Variants in STAU1 observed in about 807,000 individuals in gnomAD.
The protein encoded by STAU1 is staufen double-stranded RNA binding protein 1, also known as double-stranded RNA-binding protein Staufen homolog 1.
STAU1 carries 13 observed loss-of-function variants against 62.9 expected under a neutral mutation model. That is an observed-to-expected ratio of 0.21 (90% CI 0.13 to 0.33). STAU1 has a LOEUF of 0.33. STAU1 is among the 10% of genes least tolerant of loss of function. STAU1 has a pLI of 1.00. For missense variants in STAU1, 571 were observed against 712.1 expected, an observed-to-expected ratio of 0.80 and a Z score of 2.25; for synonymous variants, 269 against 265.1, an observed-to-expected ratio of 1.01 and a Z score of -0.14.
chr20:49,153,157 G>C (rs1318026144), intron 4 of STAU1, among the ~76,000 whole-genome samples: 2 of 151,558 alleles, frequency 1.3e-5, no homozygotes, highest in Non-Finnish European at 2.9e-5. Flanking sequence ...GGCTGAGGCA[G>C]GAGAATAGCA....
intron 3 of STAU1, chr20:49,159,018 A>C (rs2093409950): frequency 7.8e-7 from 1 of 1,286,660 alleles, no homozygotes; most frequent in African/African-American, 1.5e-5. Context: ...TACTCATTTA[A>C]GTACAAACAA....
chr20:49,143,643 AC>A (rs1295585390), intron 5 of STAU1, among the ~76,000 whole-genome samples: 4 of 152,058 alleles, frequency 2.6e-5, no homozygotes, highest in Non-Finnish European at 5.9e-5. Context: ...ACCACACTTA[AC>A]CCTCACAGTA....
intron 6 of STAU1, among the ~76,000 whole-genome samples, chr20:49,130,485 C>T (rs1455249939): frequency 1.3e-5 from 2 of 151,944 alleles, no homozygotes; most frequent in African/African-American, 4.8e-5. Flanking sequence ...ACCCCTTCAT[C>T]CAAAAAATAA....
chr20:49,173,136 G>A (rs1041789377), intron 2 of STAU1, among the ~76,000 whole-genome samples: 12 of 146,656 alleles, frequency 8.2e-5, no homozygotes, highest in Middle Eastern at 7.0e-3. Flanking sequence ...GAGCCACTGC[G>A]CCCAGCCGAT....
rs955035905 is a variant in STAU1, at chr20:49,117,487, C to T, written c.1510-239G>A. Reference sequence around the variant, plus strand: ...TCCTACCAGACAGAAAGTGTCAGCACGATGAGTCTGTTCTTTGAAATCCAA... The same window carrying T: ...TCCTACCAGACAGAAAGTGTCAGCATGATGAGTCTGTTCTTTGAAATCCAA... On this transcript the variant is annotated intron_variant, in intron 11 of 13. Coordinates refer to ENST00000371856, the MANE Select transcript of STAU1 (RefSeq NM_017453.4). The surrounding 1 kb of genome is among the most constrained non-coding windows in gnomAD (Gnocchi z 4.6). 6.6e-6 allele frequency among the ~76,000 whole-genome samples: 1 copy of T among 152,192 alleles called. No homozygotes were observed. The highest frequency in any genetic ancestry group is 1.5e-5 in the Non-Finnish European group (1 of 68,036).
At chr20:49,196,784 G>GAAAAAAA in the STAU1 span, among the ~76,000 whole-genome samples, 12 of 145,142 alleles carry the variant, frequency 8.3e-5, no homozygotes, top group Non-Finnish European at 1.2e-4. Context: ...AGGAAAAAAA[G>GAAAAAAA]AAAAAAAAAA....
chr20:49,169,099 T>TACCACCC, intron 2 of STAU1, among the ~76,000 whole-genome samples: 1 of 152,094 alleles, frequency 6.6e-6, no homozygotes, highest in African/African-American at 2.4e-5. Flanking sequence ...TACAGGCGTG[T>TACCACCC]ACCACCACAC....
the STAU1 span, among the ~76,000 whole-genome samples, chr20:49,217,544 T>C: frequency 0.016 from 2,363 of 152,078 alleles, 61 homozygotes; most frequent in South Asian, 0.07. Context: ...CTGTTGTATA[T>C]CCTTCCTAAC....
intron 5 of STAU1, among the ~76,000 whole-genome samples, chr20:49,136,704 C>CT (rs797001297): frequency 0.012 from 1,780 of 147,772 alleles, 37 homozygotes; most frequent in African/African-American, 0.04. Context: ...CTGGAAACCA[C>CT]TTTTTTTTTT....
At chr20:49,193,104 C>A (rs1284073353), upstream of STAU1, among the ~76,000 whole-genome samples, 5 of 152,138 alleles carry the variant, frequency 3.3e-5, no homozygotes, top group African/African-American at 1.2e-4. Context: ...AGGCTGGGTG[C>A]AGTGACTCAC....
intron 10 of STAU1, 43 bp downstream of exon 10, chr20:49,118,290 C>A: frequency 1.3e-6 from 2 of 1,572,042 alleles, no homozygotes; most frequent in Non-Finnish European, 1.7e-6. Context: ...ATGCAAATCC[C>A]AGAATCACGT....
chr20:49,124,682 G>C, intron 6 of STAU1, 95 bp from the exon 7 acceptor site: 1 of 1,272,980 alleles, frequency 7.9e-7, no homozygotes, highest in Non-Finnish European at 1.1e-6. Flanking sequence ...ACACAGGGAA[G>C]GGGAACCAAG....
intron 3 of STAU1, among the ~76,000 whole-genome samples, chr20:49,160,018 T>G (rs944430451): frequency 2.6e-5 from 4 of 152,254 alleles, no homozygotes; most frequent in African/African-American, 9.6e-5. Flanking sequence ...GTAGCCAGAA[T>G]TACAGCTACC....
chr20:49,120,322 G>C (rs1242334714), intron 8 of STAU1, among the ~76,000 whole-genome samples, 194 bp from the exon 9 acceptor site: 1 of 152,160 alleles, frequency 6.6e-6, no homozygotes, highest in African/African-American at 2.4e-5. Context: ...GTTAAACACA[G>C]CCAGTATTAA....
chr20:49,129,684 G>A (rs975133704), intron 6 of STAU1, among the ~76,000 whole-genome samples: 1 of 146,922 alleles, frequency 6.8e-6, no homozygotes, highest in Non-Finnish European at 1.5e-5. Context: ...GCCCAGGTTG[G>A]AGTGCAGTAG....
At chr20:49,142,189 T>G (rs1403776446) in intron 5 of STAU1, among the ~76,000 whole-genome samples, 1 of 152,112 alleles carries the variant, frequency 6.6e-6, no homozygotes, top group African/African-American at 2.4e-5. Context: ...TGGGTTCCAG[T>G]GATTCTCCTG....
chr20:49,151,654 C>T lies in STAU1; in HGVS notation c.438G>A (p.Gln146=), dbSNP rs1200193848. The change falls in exon 5 of 14, where the codon CAG becomes CAA. Residue 146 remains glutamine (Q), a synonymous_variant. Transcript: ENST00000371856. ...QQFNGKGKTR[Q]AAKHDAAAKA... ...TGGCAGCAGCATCGTGTTTCGCAGC[C>T]TGTCTTGTCTTTCCTTTGCCATTAA... The T allele has an allele frequency of 1.9e-6, 3 of 1,612,840 alleles. No individual in the cohort carries two copies. The highest frequency in any genetic ancestry group is 1.7e-5 in the Admixed American group (1 of 59,764).
chr20:49,169,665 C>T (rs948384470), intron 2 of STAU1, among the ~76,000 whole-genome samples: 1 of 152,188 alleles, frequency 6.6e-6, no homozygotes, highest in Admixed American at 6.5e-5. Flanking sequence ...AAAGATTCTT[C>T]AGATCTCGCT....
intron 8 of STAU1, among the ~76,000 whole-genome samples, chr20:49,120,672 A>G (rs564521019): frequency 1.3e-5 from 2 of 152,356 alleles, no homozygotes; most frequent in South Asian, 4.1e-4. Flanking sequence ...CAGCCATTAC[A>G]TTGTAACTAG....
Sources: allele counts gnomAD v4.1 joint callset (sites outside exome capture counted in the v4.1 genomes callset), GRCh38; gene constraint gnomAD v4.1.1; non-coding constraint Gnocchi (gnomAD v3.1); transcripts MANE v1.5; gene names NCBI Gene and HGNC (gene_info 2026-07-23, HGNC 2026-07-21).